Variants in DCC observed in about 807,000 individuals in gnomAD.
DCC encodes the protein DCC netrin 1 receptor.
Under a neutral mutation model 172.5 loss-of-function variants are expected in DCC, and 58 were observed. That is an observed-to-expected ratio of 0.34 (90% confidence interval 0.27 to 0.42). The LOEUF (loss-of-function observed/expected upper bound fraction) is 0.42. Among genes scored for constraint, DCC ranks in the 10% least tolerant of loss-of-function variants. The pLI is 1.00. For missense variants in DCC, 1,740 were observed against 1,791.0 expected, an observed-to-expected ratio of 0.97 and a Z score of 0.51; for synonymous variants, 709 against 644.5, an observed-to-expected ratio of 1.10 and a Z score of -1.52.
At chr18:52,758,618 G>T (rs2037112460) in intron 2 of DCC, among the ~76,000 whole-genome samples, 1 of 151,648 alleles carries the variant, frequency 6.6e-6, no homozygotes, top group Non-Finnish European at 1.5e-5. Flanking sequence ...AAGCTAGAAT[G>T]AAGCATTTTG....
At position 53,068,409 on chromosome 18, in the gene DCC, T is replaced by C. The variant is rs1360830922; in HGVS notation, c.1261+2243T>C. On this transcript the variant is annotated intron_variant, in intron 7 of 28. Transcript: ENST00000442544. ...GATGTATCTCCTAATGCTATCCCTC[T>C]CCCTCCCCCCACCCCACAAACTGTA... Among the ~76,000 whole-genome samples, 293 of 91,882 alleles carry C rather than the reference T, an allele frequency of 3.2e-3. 2 individuals are homozygous for C. The highest frequency in any genetic ancestry group is 0.012 in the African/African-American group (274 of 23,716). 60.3% of individuals were successfully genotyped at this position (91,882 alleles called of 152,430 possible). A position where few individuals can be genotyped will look rare whatever the true frequency, so the allele number is the denominator to read the frequency against.
intron 1 of DCC, among the ~76,000 whole-genome samples, chr18:52,717,694 C>G (rs769000145): frequency 6.6e-6 from 1 of 152,084 alleles, no homozygotes; most frequent in Non-Finnish European, 1.5e-5. Context: ...GAATACCACC[C>G]ATCTTAGGGT....
chr18:52,923,120 A>G lies in DCC; in HGVS notation c.698-587A>G, dbSNP rs75446071. ...TTGAAATGTTGTTAAAATTAAAAAT[A>G]AAAAGCCAGACACAGACTAGTTATA... On this transcript the variant is annotated intron_variant, in intron 3 of 28. Transcript: ENST00000442544. 9.0e-4 allele frequency among the ~76,000 whole-genome samples: 137 copies of G among 152,284 alleles called. 1 individual carries two copies. In the East Asian group the frequency reaches 0.021, roughly 23 times the overall value.
chr18:53,122,190 A>G (rs1003049491), intron 7 of DCC, among the ~76,000 whole-genome samples: 17 of 151,992 alleles, frequency 1.1e-4, no homozygotes, highest in African/African-American at 3.1e-4. Context: ...TGCTTGAGAA[A>G]CTGAATGCCA....
intron 1 of DCC, among the ~76,000 whole-genome samples, chr18:52,378,629 C>T (rs1489948088): frequency 6.6e-6 from 1 of 152,104 alleles, no homozygotes; most frequent in African/African-American, 2.4e-5. Flanking sequence ...TCACTGCAAC[C>T]TCTACTTCCC....
In DCC at chr18:52,432,046, T is replaced by G. The variant is rs932658542; in HGVS notation, c.91+91168T>G. On this transcript the variant is annotated intron_variant, in intron 1 of 28. Coordinates refer to ENST00000442544, the MANE Select transcript of DCC (RefSeq NM_005215.4). ...ATTTTATCTCTAGCACACACTTTGC[T>G]GCACTGTTTGCCACTTTTATCTTCT... is the stretch of plus-strand genomic sequence containing the variant. Among the ~76,000 whole-genome samples, 8 of 152,316 alleles carry G rather than the reference T, an allele frequency of 5.3e-5. No homozygotes were observed. The East Asian group carries it at 1.5e-3, about 29-fold the overall frequency.
chr18:53,096,860 A>G (rs909546436), intron 7 of DCC, among the ~76,000 whole-genome samples: 4 of 152,214 alleles, frequency 2.6e-5, no homozygotes, highest in Non-Finnish European at 5.9e-5. Flanking sequence ...TAAAAATATC[A>G]TAACTACTTT....
At chr18:53,271,806 C>A (rs1287131090) in intron 12 of DCC, among the ~76,000 whole-genome samples, 1 of 152,092 alleles carries the variant, frequency 6.6e-6, no homozygotes, top group Non-Finnish European at 1.5e-5. Context: ...CACTGGGCAC[C>A]ATTTTTGAGG....
chr18:52,554,678 A>G (rs1300799818), intron 1 of DCC, among the ~76,000 whole-genome samples: 1 of 152,098 alleles, frequency 6.6e-6, no homozygotes, highest in Non-Finnish European at 1.5e-5. Flanking sequence ...GATAGAGACA[A>G]TGGTCTCATT....
intron 1 of DCC, among the ~76,000 whole-genome samples, chr18:52,513,827 C>A (rs2031531215): frequency 6.6e-6 from 1 of 152,152 alleles, no homozygotes; most frequent in African/African-American, 2.4e-5. Flanking sequence ...AGCAAAAGTT[C>A]TTTGAGGTTT....
At chr18:52,822,187 AAATCTT>A (rs1185169524) in intron 2 of DCC, among the ~76,000 whole-genome samples, 2 of 151,942 alleles carry the variant, frequency 1.3e-5, no homozygotes, top group Admixed American at 1.3e-4. Context: ...ATATAAGACT[AAATCTT>A]AACTGGTTTT....
chr18:53,481,767 T>C (rs1311564317), intron 25 of DCC, among the ~76,000 whole-genome samples: 1 of 152,116 alleles, frequency 6.6e-6, no homozygotes, highest in South Asian at 2.1e-4. Context: ...TGATTTCCTA[T>C]AGGTAGTATT....
At chr18:53,364,238 T>G (rs2057977619) in intron 15 of DCC, among the ~76,000 whole-genome samples, 1 of 152,110 alleles carries the variant, frequency 6.6e-6, no homozygotes, top group East Asian at 1.9e-4. Flanking sequence ...TTCCACACCG[T>G]CAAATTAGGG....
chr18:53,138,689 A>C (rs1187102354), intron 7 of DCC, among the ~76,000 whole-genome samples: 1 of 152,148 alleles, frequency 6.6e-6, no homozygotes, highest in Non-Finnish European at 1.5e-5. Context: ...GACTGAAGAG[A>C]ATTTACAATT....
At chr18:52,520,446 T>A (rs1260852907) in intron 1 of DCC, among the ~76,000 whole-genome samples, 1 of 152,222 alleles carries the variant, frequency 6.6e-6, no homozygotes, top group Non-Finnish European at 1.5e-5. Context: ...CATTTTAATT[T>A]TGGCTGTGTG....
At chr18:53,242,863 G>A (rs971414031) in intron 12 of DCC, among the ~76,000 whole-genome samples, 29 of 139,658 alleles carry the variant, frequency 2.1e-4, no homozygotes, top group African/African-American at 7.7e-4. Context: ...GACCTATGAT[G>A]ACAAGTAGGT....
At chr18:53,102,238 T>C (rs1481295450) in intron 7 of DCC, among the ~76,000 whole-genome samples, 1 of 152,136 alleles carries the variant, frequency 6.6e-6, no homozygotes, top group East Asian at 1.9e-4. Context: ...TTTTTCATAG[T>C]GCTACTATTT....
In DCC at chr18:53,260,422, G is replaced by A. The variant is rs559653534; in HGVS notation, c.1911+44825G>A. Among the ~76,000 whole-genome samples the A allele has an allele frequency of 5.9e-5, 9 of 152,276 alleles. No individual in the cohort carries two copies. In the East Asian group the frequency reaches 1.7e-3, roughly 29 times the overall value. On this transcript the variant is annotated intron_variant, in intron 12 of 28. Coordinates refer to ENST00000442544, the MANE Select transcript of DCC (RefSeq NM_005215.4). Reference sequence around the variant, plus strand: ...CTGTTTGTTAATTTTCCTTCTAACAGTCAGGACCCTCAGCTGCAGGTCTGT... The same window carrying A: ...CTGTTTGTTAATTTTCCTTCTAACAATCAGGACCCTCAGCTGCAGGTCTGT...
chr18:52,488,804 A>G (rs989835696), intron 1 of DCC, among the ~76,000 whole-genome samples: 4 of 152,238 alleles, frequency 2.6e-5, no homozygotes, highest in African/African-American at 2.4e-5. Context: ...CTAGGGATCA[A>G]ATAAGTTCAT....
Sources: allele counts gnomAD v4.1 joint callset (sites outside exome capture counted in the v4.1 genomes callset), GRCh38; gene constraint gnomAD v4.1.1; transcripts MANE v1.5; gene names NCBI Gene and HGNC (gene_info 2026-07-23, HGNC 2026-07-21).